Variants in PYHIN1 observed in about 807,000 individuals in gnomAD.
PYHIN1 encodes pyrin and HIN domain family member 1.
A neutral mutation model predicts 43.7 loss-of-function variants in PYHIN1; 32 were observed. The observed-to-expected ratio is 0.73, with a 90% CI of 0.55 to 0.98. The LOEUF is 0.98. Ranked by LOEUF, PYHIN1 falls within the 50% of genes least tolerant of loss-of-function variation. The probability of loss-of-function intolerance (pLI) is 0.00; values close to 1 mark genes in which losing one functional copy is unlikely to be tolerated. For synonymous variants in PYHIN1, 205 were observed against 203.1 expected, an observed-to-expected ratio of 1.01 and a Z score of -0.08; for missense variants, 588 against 589.5, an observed-to-expected ratio of 1.00 and a Z score of 0.03.
chr1:158,936,714 T>A (rs1241072577), intron 1 of PYHIN1, among the ~76,000 whole-genome samples, 177 bp from the exon 2 acceptor site: 1 of 152,134 alleles, frequency 6.6e-6, no homozygotes, highest in African/African-American at 2.4e-5. Flanking sequence ...ATAAGAGCTA[T>A]CTATGACAAA....
intron 7 of PYHIN1, among the ~76,000 whole-genome samples, chr1:158,956,547 T>C (rs1362535943): frequency 6.6e-6 from 1 of 151,592 alleles, no homozygotes; most frequent in African/African-American, 2.4e-5. Context: ...TTGACAAAAT[T>C]CAACAACCCT....
At chr1:158,989,587 A>G in the PYHIN1 span, among the ~76,000 whole-genome samples, 142,096 of 152,220 alleles carry the variant, frequency 0.93, 67,115 homozygotes, top group East Asian at 1. Flanking sequence ...GATGAAAGTA[A>G]AGATCAGAAT....
At chr1:158,958,275 T>C (rs1221098078) in intron 7 of PYHIN1, among the ~76,000 whole-genome samples, 1 of 150,902 alleles carries the variant, frequency 6.6e-6, no homozygotes, top group Non-Finnish European at 1.5e-5. Flanking sequence ...CAAAGGACTA[T>C]AAATCATGCT....
intron 7 of PYHIN1, among the ~76,000 whole-genome samples, chr1:158,956,787 T>G (rs955462502): frequency 2.7e-5 from 4 of 146,632 alleles, no homozygotes; most frequent in Non-Finnish European, 4.5e-5. Flanking sequence ...TAAAGGGTAT[T>G]CAATTAGGAA....
chr1:158,933,997 T>A lies in PYHIN1; in HGVS notation c.-21+2221T>A, dbSNP rs1025961921. ...TGAGGCCTTCAGGTTCAGAGAATAG[T>A]TTTTGAGGATCTTATGTTTAAATAT... On this transcript the variant is annotated intron_variant, in intron 1 of 8. Transcript: ENST00000368140. The surrounding 1 kb of genome is among the most constrained non-coding windows in gnomAD (Gnocchi z 6.3). Among the ~76,000 whole-genome samples the A allele has an allele frequency of 1.3e-5, 2 of 152,156 alleles. No homozygotes were observed. The highest frequency in any genetic ancestry group is 4.8e-5 in the African/African-American group (2 of 41,456).
At chr1:158,941,858 C>T (rs1054254310) in intron 4 of PYHIN1, 119 bp from the exon 5 acceptor site, 1 of 865,754 alleles carries the variant, frequency 1.2e-6, no homozygotes. Flanking sequence ...ATCCTGGCCC[C>T]AGCTCTACAC....
In PYHIN1 at chr1:158,944,929, C is replaced by T. The variant is rs933912123; in HGVS notation, c.1246C>T (p.Gln416Ter). Residue 416 changes from glutamine (Q) to a stop codon, truncating the protein, a stop_gained, in exon 7 of 9, where the codon CAG becomes TAG. Coordinates refer to ENST00000368140, the MANE Select transcript of PYHIN1 (RefSeq NM_152501.5). LOFTEE classifies it high-confidence loss of function. ...SHDSRSMALP[Q>*]EQSQHPKPSE... is the part of the protein sequence containing the mutation. ...TGACTCCAGGAGCATGGCACTACCC[C>T]AGGAACAGAGTCAGCATCCAAAACC... The T allele has an allele frequency of 3.1e-6, 5 of 1,613,546 alleles. No individual in the cohort carries two copies. The highest frequency in any genetic ancestry group is 2.2e-5 in the South Asian group (2 of 91,032).
At chr1:158,953,045 C>G (rs146573494) in intron 7 of PYHIN1, among the ~76,000 whole-genome samples, 3 of 152,272 alleles carry the variant, frequency 2.0e-5, no homozygotes, top group African/African-American at 4.8e-5. Flanking sequence ...CTTTTCGGAC[C>G]GGCTTAAAAA....
chr1:158,970,892 A>C (rs1216151817), intron 7 of PYHIN1, among the ~76,000 whole-genome samples: 4 of 152,048 alleles, frequency 2.6e-5, no homozygotes, highest in African/African-American at 9.7e-5. Flanking sequence ...ACATATGAGA[A>C]TCATGAGGTT....
intron 7 of PYHIN1, among the ~76,000 whole-genome samples, chr1:158,949,977 A>C (rs1437314948): frequency 1.3e-5 from 2 of 152,190 alleles, no homozygotes; most frequent in Non-Finnish European, 2.9e-5. Context: ...TTTATAACTT[A>C]CACACAGTGG....
intron 7 of PYHIN1, among the ~76,000 whole-genome samples, chr1:158,953,888 A>C (rs1418779871): frequency 1.4e-5 from 2 of 146,080 alleles, no homozygotes; most frequent in East Asian, 4.1e-4. Flanking sequence ...AGAATAACCA[A>C]TACAGAGAAG....
chr1:158,967,598 A>G (rs188573366), intron 7 of PYHIN1, among the ~76,000 whole-genome samples: 1 of 152,256 alleles, frequency 6.6e-6, no homozygotes, highest in Admixed American at 6.5e-5. Context: ...CACGATTTTA[A>G]AATTTATATA....
chr1:158,984,515 T>G, the PYHIN1 span, among the ~76,000 whole-genome samples: 4 of 152,288 alleles, frequency 2.6e-5, no homozygotes, highest in South Asian at 2.1e-4. Context: ...AGAGTGTGGT[T>G]GATATAATTT....
intron 7 of PYHIN1, among the ~76,000 whole-genome samples, chr1:158,951,516 C>A (rs528430902): frequency 1.3e-5 from 2 of 152,198 alleles, no homozygotes; most frequent in Non-Finnish European, 2.9e-5. Flanking sequence ...CCAATCTCAG[C>A]TCTCTAAGTG....
At chr1:158,952,056 C>A (rs894387742) in intron 7 of PYHIN1, among the ~76,000 whole-genome samples, 2 of 151,610 alleles carry the variant, frequency 1.3e-5, no homozygotes, top group African/African-American at 4.8e-5. Context: ...CAGGTGGGCC[C>A]CAGGGTGGTG....
intron 4 of PYHIN1, among the ~76,000 whole-genome samples, chr1:158,940,655 A>C (rs1047876053): frequency 6.6e-6 from 1 of 152,226 alleles, no homozygotes. Context: ...ATGAAGGGCA[A>C]CAAGTGATGA....
At chr1:158,934,553 A>G (rs1208336458) in intron 1 of PYHIN1, among the ~76,000 whole-genome samples, 1 of 151,754 alleles carries the variant, frequency 6.6e-6, no homozygotes, top group African/African-American at 2.4e-5. Context: ...TATGTTCTTC[A>G]GTTTCACTAT....
intron 8 of PYHIN1, among the ~76,000 whole-genome samples, 191 bp downstream of exon 8, chr1:158,973,962 G>A (rs1189932275): frequency 6.6e-6 from 1 of 151,942 alleles, no homozygotes; most frequent in African/African-American, 2.4e-5. Flanking sequence ...CACAAAATAT[G>A]CATTCATGAA....
chr1:158,979,786 A>G (rs1190607133), downstream of PYHIN1, among the ~76,000 whole-genome samples: 1 of 152,148 alleles, frequency 6.6e-6, no homozygotes, highest in African/African-American at 2.4e-5. Context: ...TTACATCAAT[A>G]CATTACATGT....
Sources: gnomAD v4.1 joint callset for allele counts (sites outside exome capture counted in the v4.1 genomes callset) on GRCh38, gnomAD v4.1.1 for gene constraint, Gnocchi (gnomAD v3.1) non-coding constraint, MANE v1.5 for transcripts, NCBI Gene and HGNC (gene_info 2026-07-23, HGNC 2026-07-21) for gene names.